Variants in CUBN observed in about 807,000 individuals in gnomAD.
CUBN encodes the protein cubilin.
A neutral mutation model predicts 405.3 loss-of-function variants in CUBN; 282 were observed. The ratio of observed to expected loss-of-function variants is 0.70; its 90% CI spans 0.63 to 0.77. CUBN has a LOEUF of 0.77. Ranked by LOEUF, CUBN falls within the 30% of genes least tolerant of loss-of-function variation. CUBN has a pLI of 0.00. For missense variants in CUBN, 4,514 were observed against 4,475.2 expected (o/e 1.01, Z -0.25); for synonymous variants, 1,684 against 1,617.0 (o/e 1.04, Z -0.99).
chr10:16,936,954 T>A (rs1414690206), intron 39 of CUBN, among the ~76,000 whole-genome samples: 1 of 152,116 alleles, frequency 6.6e-6, no homozygotes, highest in African/African-American at 2.4e-5. Context: ...CGACCACAAG[T>A]GATCCGTCTA....
At chr10:16,872,504 A>G (rs1840388112) in intron 58 of CUBN, among the ~76,000 whole-genome samples, 1 of 152,044 alleles carries the variant, frequency 6.6e-6, no homozygotes, top group African/African-American at 2.4e-5. Flanking sequence ...ATGGGAGGTG[A>G]TTAGGTCATG....
intron 47 of CUBN, 47 bp from the exon 48 acceptor site, chr10:16,914,039 T>C (rs1841811105): frequency 1.3e-6 from 2 of 1,598,068 alleles, no homozygotes; most frequent in Non-Finnish European, 8.6e-7. Flanking sequence ...AATCAAAATG[T>C]TTCCTTCCAT....
chr10:16,890,089 C>G (rs545813712), intron 55 of CUBN, among the ~76,000 whole-genome samples: 1 of 152,128 alleles, frequency 6.6e-6, no homozygotes, highest in Non-Finnish European at 1.5e-5. Context: ...TTGTTGCTAA[C>G]GAACTAGCCA....
chr10:17,033,126 C>T (rs1198560582), intron 27 of CUBN, among the ~76,000 whole-genome samples: 3 of 152,100 alleles, frequency 2.0e-5, no homozygotes, highest in African/African-American at 7.2e-5. Flanking sequence ...CTTGAAAGAC[C>T]TCCTGCTGCT....
Position 16,925,261 on chromosome 10 carries a change from T to G in CUBN, c.6626A>C (p.Lys2209Thr). The stretch of plus-strand genomic sequence containing the variant: ...CTTACCTAAACTCTTTGCCTCATAT[T>G]TGATTTTAAATCCTTGCCCTTCATT... ...HSNEGQGFKI[K>T]YEAKSLACGG... The change falls in exon 43 of 67, where the codon AAA becomes ACA. Residue 2209 changes from lysine to threonine, a missense_variant. Around this residue, in one of 5 missense-constraint regions of CUBN, gnomAD observed 1,613 missense variants for 1,542.8 expected, o/e 1.05. Transcript: ENST00000377833. 2 of 1,613,312 alleles carry G rather than the reference T, an allele frequency of 1.2e-6. No homozygotes were observed. Among genetic ancestry groups the G allele is most frequent in the Non-Finnish European group, 1.7e-6 (2 of 1,179,304 alleles).
intron 55 of CUBN, among the ~76,000 whole-genome samples, chr10:16,889,870 G>T (rs959814450): frequency 1.3e-5 from 2 of 150,010 alleles, no homozygotes; most frequent in Middle Eastern, 3.4e-3. Flanking sequence ...CCAGGACGTG[G>T]AGGGTGCAGT....
In CUBN at chr10:16,975,557, T is replaced by C. The variant is rs558948147; in HGVS notation, c.4695+6927A>G. On this transcript the variant is annotated intron_variant, in intron 31 of 66. Coordinates refer to ENST00000377833, the MANE Select transcript of CUBN (RefSeq NM_001081.4). ...AGGGAGGAAACAAGGGGTAGAGCAA[T>C]ACCCACCATGGTCAAAACTATAAGT... Among the ~76,000 whole-genome samples the C allele has an allele frequency of 2.6e-5, 4 of 151,102 alleles. No individual in the cohort carries two copies. In the South Asian group the frequency reaches 8.4e-4, roughly 32 times the overall value.
chr10:17,056,087 T>A (rs1835388911), intron 22 of CUBN, among the ~76,000 whole-genome samples: 1 of 152,090 alleles, frequency 6.6e-6, no homozygotes, highest in South Asian at 2.1e-4. Flanking sequence ...AGCAGTGTGA[T>A]GAAATAGAGA....
chr10:17,057,889 A>C (rs966512661), intron 22 of CUBN, among the ~76,000 whole-genome samples: 7 of 152,034 alleles, frequency 4.6e-5, no homozygotes, highest in Non-Finnish European at 8.8e-5. Context: ...TTGGGAGGCC[A>C]ATTTGGGCAG....
intron 28 of CUBN, among the ~76,000 whole-genome samples, chr10:16,997,404 C>T (rs1158731687): frequency 6.8e-6 from 1 of 146,662 alleles, no homozygotes; most frequent in Non-Finnish European, 1.5e-5. Context: ...CACTGCACTC[C>T]AGCCTGGCAA....
At chr10:17,030,985 A>G (rs977591348) in intron 27 of CUBN, among the ~76,000 whole-genome samples, 1 of 152,238 alleles carries the variant, frequency 6.6e-6, no homozygotes, top group Non-Finnish European at 1.5e-5. Context: ...ATTCTCTGTA[A>G]TAATAGAGAG....
chr10:17,018,188 G>C (rs7086039), intron 28 of CUBN, among the ~76,000 whole-genome samples: 54,288 of 151,938 alleles, frequency 0.36, 10,138 homozygotes, highest in East Asian at 0.59. Context: ...AACTGGCCAA[G>C]AGGTGCCCGG....
chr10:16,826,284 A>G (rs1564371683), intron 66 of CUBN, among the ~76,000 whole-genome samples: 1 of 148,234 alleles, frequency 6.7e-6, no homozygotes, highest in Admixed American at 6.7e-5. Context: ...AAATATTACA[A>G]GTTTAACAAA....
Position 16,888,477 on chromosome 10 carries a change from C to T in CUBN, c.8845G>A (p.Val2949Ile). The change falls in exon 56 of 67, where the codon GTC (valine) becomes ATC (isoleucine). Residue 2949 changes from valine (V) to isoleucine (I), a missense_variant. By Grantham distance (29) the Val-to-Ile change is conservative. Transcript: ENST00000377833. ...ACTGACAGAGGATTAGCCTCTATGA[C>T]ATAGGTGCAATTCATGTTGTTGTCA... ...QYDNNMNCTY[V>I]IEANPLSVVL... is the part of the protein sequence containing the mutation. 9 of 1,612,982 alleles carry T rather than the reference C, an allele frequency of 5.6e-6. No homozygotes were observed. The highest frequency in any genetic ancestry group is 7.6e-6 in the Non-Finnish European group (9 of 1,179,020).
In CUBN at chr10:17,047,533, G is replaced by T. The variant is rs760913040; in HGVS notation, c.3210C>A (p.Asn1070Lys). ...TSPNFPNNYP[N>K]NWECIYRITV... ...TGATCCGATAAATGCATTCCCAGTT[G>T]TTGGGATAATTATTGGGGAAGTTTG... is the stretch of plus-strand genomic sequence containing the variant. The change falls in exon 23 of 67, where the codon AAC (asparagine) becomes AAA (lysine). Residue 1070 changes from asparagine (N) to lysine (K), a missense_variant. Physicochemically the swap from Asn to Lys is moderately conservative, Grantham distance 94. Coordinates refer to ENST00000377833, the MANE Select transcript of CUBN (RefSeq NM_001081.4). 9 of 1,613,740 alleles carry T rather than the reference G, an allele frequency of 5.6e-6. No individual in the cohort carries two copies. Among genetic ancestry groups the T allele is most frequent in the South Asian group, 2.2e-5 (2 of 91,074 alleles).
At chr10:16,941,859 A>G (rs916191666) in intron 36 of CUBN, among the ~76,000 whole-genome samples, 1 of 152,250 alleles carries the variant, frequency 6.6e-6, no homozygotes, top group Admixed American at 6.5e-5. Context: ...ATATATATTT[A>G]AAAAAATGAA....
At chr10:16,833,844 C>A (rs565414917) in intron 64 of CUBN, among the ~76,000 whole-genome samples, 1 of 151,886 alleles carries the variant, frequency 6.6e-6, no homozygotes, top group South Asian at 2.1e-4. Context: ...TCTTGGGCAG[C>A]TTATTTTGAA....
In CUBN at chr10:16,915,170, T is replaced by A. The variant is rs1231435202; in HGVS notation, c.7213A>T (p.Asn2405Tyr). The A allele has an allele frequency of 6.2e-7, 1 of 1,613,740 alleles. No homozygotes were observed. The highest frequency in any genetic ancestry group is 8.5e-7 in the Non-Finnish European group (1 of 1,179,996). Reference protein sequence around the residue: ...VEIWDNHTSGNILGRYCGNTI... With the variant: ...VEIWDNHTSGYILGRYCGNTI... ...TTTCCACAGTATCTGCCCAAGATGT[T>A]TCCTGTGAGAGACAAATAATTAAAT... The change falls in exon 47 of 67, where the codon AAC (asparagine) becomes TAC (tyrosine). Residue 2405 changes from asparagine to tyrosine, a missense_variant and splice_region_variant. This residue lies in a region of CUBN where 1,613 missense variants were observed against 1,542.8 expected (regional missense o/e 1.05). Transcript: ENST00000377833.
At chr10:16,904,291 C>G (rs932757146) in intron 50 of CUBN, among the ~76,000 whole-genome samples, 176 bp from the exon 51 acceptor site, 6 of 152,152 alleles carry the variant, frequency 3.9e-5, no homozygotes, top group Admixed American at 2.6e-4. Flanking sequence ...AAAGTCCCTC[C>G]AAGGGGGTAA....
Sources: gnomAD v4.1 joint callset for allele counts (sites outside exome capture counted in the v4.1 genomes callset) on GRCh38, gnomAD v4.1.1 for gene constraint, gnomAD v4.1.1 regional missense constraint, MANE v1.5 for transcripts, NCBI Gene and HGNC (gene_info 2026-07-23, HGNC 2026-07-21) for gene names.